Variants in COL24A1 observed in about 807,000 individuals in gnomAD.
COL24A1 encodes collagen type XXIV alpha 1 chain, also known as collagen alpha-1(XXIV) chain.
Under a neutral mutation model 253.9 loss-of-function variants are expected in COL24A1, and 224 were observed. That is an observed-to-expected ratio of 0.88 (90% CI 0.79 to 0.99). COL24A1 has a LOEUF of 0.99. Ranked by LOEUF, COL24A1 falls within the 50% of genes least tolerant of loss-of-function variation. The probability of loss-of-function intolerance (pLI) is 0.00; values close to 1 mark genes in which losing one functional copy is unlikely to be tolerated. For synonymous variants in COL24A1, 685 were observed against 673.7 expected (o/e 1.02, Z -0.26); for missense variants, 2,131 against 2,068.5 (o/e 1.03, Z -0.59).
chr1:86,119,929 G>A (rs1706556585), intron 3 of COL24A1, among the ~76,000 whole-genome samples: 1 of 152,104 alleles, frequency 6.6e-6, no homozygotes, highest in Non-Finnish European at 1.5e-5. Flanking sequence ...GCATGGTACT[G>A]GTACCAAAAC....
At chr1:86,009,713 A>G (rs1439193677) in intron 19 of COL24A1, among the ~76,000 whole-genome samples, 8 of 152,192 alleles carry the variant, frequency 5.3e-5, no homozygotes, top group Non-Finnish European at 7.4e-5. Context: ...GGCCTAGGGC[A>G]TTACTGTACA....
intron 53 of COL24A1, among the ~76,000 whole-genome samples, chr1:85,763,579 C>T (rs1287892825): frequency 1.4e-5 from 2 of 147,718 alleles, no homozygotes; most frequent in African/African-American, 2.5e-5. Context: ...GCAATCTCTG[C>T]CTCCCAGGTT....
At chr1:86,134,181 G>GGATC (rs1649817114) in intron 2 of COL24A1, among the ~76,000 whole-genome samples, 1 of 150,186 alleles carries the variant, frequency 6.7e-6, no homozygotes, top group South Asian at 2.1e-4. Flanking sequence ...TATTTCTGTG[G>GGATC]GATCGGTGGT....
intron 26 of COL24A1, 60 bp downstream of exon 26, chr1:85,909,890 G>T: frequency 7.2e-7 from 1 of 1,381,850 alleles, no homozygotes; most frequent in South Asian, 1.2e-5. Flanking sequence ...TCCATCTCTG[G>T]AACGACTTGC....
chr1:86,084,925 C>A (rs1284544954), intron 7 of COL24A1, among the ~76,000 whole-genome samples: 1 of 152,102 alleles, frequency 6.6e-6, no homozygotes, highest in Non-Finnish European at 1.5e-5. Flanking sequence ...GTATTAGACT[C>A]AGTACTGCAC....
At chr1:85,864,420 A>G (rs313764) in intron 37 of COL24A1, among the ~76,000 whole-genome samples, 60,856 of 149,252 alleles carry the variant, frequency 0.41, 12,963 homozygotes, top group South Asian at 0.58. Context: ...GAGGGATAGC[A>G]TTAGGTGATA....
chr1:86,149,753 G>T (rs993178198), intron 1 of COL24A1, among the ~76,000 whole-genome samples: 6 of 152,164 alleles, frequency 3.9e-5, no homozygotes, highest in Non-Finnish European at 8.8e-5. Context: ...TCCATTCCTG[G>T]TGTGAGGCAG....
chr1:86,005,014 G>T (rs1695805381), intron 19 of COL24A1, among the ~76,000 whole-genome samples: 1 of 152,178 alleles, frequency 6.6e-6, no homozygotes, highest in Non-Finnish European at 1.5e-5. Flanking sequence ...AGCAATGAAG[G>T]TTTAGGTTGT....
intron 19 of COL24A1, among the ~76,000 whole-genome samples, chr1:85,998,457 C>G (rs1010508005): frequency 6.6e-6 from 1 of 152,196 alleles, no homozygotes; most frequent in Non-Finnish European, 1.5e-5. Context: ...TCATACTATA[C>G]TGTAATTAAG....
At chr1:85,812,551 T>C (rs1201555520) in intron 47 of COL24A1, among the ~76,000 whole-genome samples, 1 of 152,176 alleles carries the variant, frequency 6.6e-6, no homozygotes, top group African/African-American at 2.4e-5. Context: ...CAGAGAGCAC[T>C]GGCTAAGAGT....
At chr1:85,760,360 T>TAA (rs1440505785) in intron 55 of COL24A1, among the ~76,000 whole-genome samples, 1 of 152,120 alleles carries the variant, frequency 6.6e-6, no homozygotes, top group African/African-American at 2.4e-5. Flanking sequence ...ACATTCTTAT[T>TAA]GATGTCCACA....
At chr1:85,762,203 T>C (rs1666912271) in intron 53 of COL24A1, among the ~76,000 whole-genome samples, 1 of 152,194 alleles carries the variant, frequency 6.6e-6, no homozygotes, top group African/African-American at 2.4e-5. Flanking sequence ...GATGTTCAGC[T>C]AAATGTTAAG....
intron 24 of COL24A1, among the ~76,000 whole-genome samples, chr1:85,921,263 T>C (rs1686447518): frequency 1.3e-5 from 2 of 152,168 alleles, no homozygotes; most frequent in African/African-American, 4.8e-5. Flanking sequence ...TCTTAGCAAA[T>C]GGCACACCAG....
At chr1:86,041,900 T>G (rs942965687) in intron 12 of COL24A1, among the ~76,000 whole-genome samples, 1 of 152,138 alleles carries the variant, frequency 6.6e-6, no homozygotes, top group South Asian at 2.1e-4. Flanking sequence ...TATCCACAGA[T>G]AGAGAGCAAA....
chr1:85,772,472 A>G (rs1190081158), intron 53 of COL24A1, among the ~76,000 whole-genome samples: 1 of 152,154 alleles, frequency 6.6e-6, no homozygotes, highest in Non-Finnish European at 1.5e-5. Flanking sequence ...TACCCAAATG[A>G]CTATAAATCT....
At chr1:86,050,239 T>G in intron 10 of COL24A1, 62 bp from the exon 11 acceptor site, 1 of 1,410,758 alleles carries the variant, frequency 7.1e-7, no homozygotes, top group East Asian at 2.3e-5. Context: ...TAAGTGATTC[T>G]GAATAGAAGT....
At chr1:85,768,658 G>C (rs529591517) in intron 53 of COL24A1, among the ~76,000 whole-genome samples, 1 of 152,144 alleles carries the variant, frequency 6.6e-6, no homozygotes, top group East Asian at 1.9e-4. Context: ...AACTTTATGG[G>C]TATCTCTTCT....
chr1:85,983,205 A>C (rs1693414823), intron 20 of COL24A1, among the ~76,000 whole-genome samples: 1 of 151,948 alleles, frequency 6.6e-6, no homozygotes, highest in African/African-American at 2.4e-5. Flanking sequence ...GCAACAAATA[A>C]ATTATTCCTC....
At chr1:85,814,597 G>T (rs1672880197) in intron 47 of COL24A1, among the ~76,000 whole-genome samples, 1 of 152,212 alleles carries the variant, frequency 6.6e-6, no homozygotes, top group Admixed American at 6.5e-5. Flanking sequence ...CAGACAAAAT[G>T]TGTAAGCAGG....
Sources: gnomAD v4.1 joint callset for allele counts (sites outside exome capture counted in the v4.1 genomes callset) on GRCh38, gnomAD v4.1.1 for gene constraint, MANE v1.5 for transcripts, NCBI Gene and HGNC (gene_info 2026-07-23, HGNC 2026-07-21) for gene names.